Variants in KDM2A observed in about 807,000 individuals in gnomAD.
The protein encoded by KDM2A is lysine-specific demethylase 2A.
KDM2A carries 3 observed loss-of-function variants against 137.3 expected under a neutral mutation model. The observed-to-expected ratio is 0.02, with a 90% CI of 0.01 to 0.06. The LOEUF is 0.06. KDM2A is among the 10% of genes least tolerant of loss of function. The pLI is 1.00. For synonymous variants in KDM2A, 512 were observed against 541.5 expected (o/e 0.95, Z 0.76); for missense variants, 738 against 1,510.6 (o/e 0.49, Z 8.48).
At position 67,228,181 on chromosome 11, in the gene KDM2A, A is replaced by G. The variant is rs199857566; in HGVS notation, c.1084+18A>G. On this transcript the variant is annotated intron_variant, in intron 11 of 20. Transcript: ENST00000529006. ...CAGCATGGGTAAGTATTCTGCCTAT[A>G]GGAGCTTTGAAGACACCGCTTAGGT... 33 of 1,613,142 alleles carry G rather than the reference A, an allele frequency of 2.0e-5. No individual in the cohort carries two copies. In the Admixed American group the frequency reaches 2.2e-4, roughly 11 times the overall value.
intron 13 of KDM2A, among the ~76,000 whole-genome samples, chr11:67,244,913 G>T (rs1452918440): frequency 6.6e-6 from 1 of 151,560 alleles, no homozygotes. Context: ...GGGAACCCGG[G>T]AGGCGGAGCT....
intron 5 of KDM2A, among the ~76,000 whole-genome samples, chr11:67,191,650 A>G (rs1857357374): frequency 1.3e-5 from 2 of 152,242 alleles, no homozygotes; most frequent in Admixed American, 6.5e-5. Flanking sequence ...CCTTTTCATG[A>G]TAAAAACACT....
In KDM2A at chr11:67,250,265, C is replaced by T. The variant is rs989371668; in HGVS notation, c.2235C>T (p.Pro745=). 4 of 1,613,784 alleles carry T rather than the reference C, an allele frequency of 2.5e-6. No individual in the cohort carries two copies. The highest frequency in any genetic ancestry group is 2.7e-5 in the African/African-American group (2 of 74,938). The change falls in exon 17 of 21, where the codon CCC becomes CCT. Residue 745 remains proline, a synonymous_variant. Transcript: ENST00000529006. This position sits in a 1 kb window ranked among gnomAD's most constrained non-coding sequence, Gnocchi z 7.1. ...MVTRSSPGAG[P]SDHHSASRDE... is the part of the protein sequence containing the mutation. ...CTCGGTCATCCCCTGGGGCTGGCCCCAGCGACCACCACAGTGCCAGCCGCG... is the reference window on the plus strand; with the variant it reads ...CTCGGTCATCCCCTGGGGCTGGCCCTAGCGACCACCACAGTGCCAGCCGCG...
chr11:67,197,386 G>A (rs1857508351), intron 5 of KDM2A, among the ~76,000 whole-genome samples: 1 of 152,104 alleles, frequency 6.6e-6, no homozygotes, highest in African/African-American at 2.4e-5. Flanking sequence ...ATGTTGCCCA[G>A]GCTGGTCTTG....
At chr11:67,241,396 A>G (rs568389666) in intron 12 of KDM2A, among the ~76,000 whole-genome samples, 13 of 151,644 alleles carry the variant, frequency 8.6e-5, no homozygotes, top group Admixed American at 7.9e-4. Context: ...AGACTTGGCA[A>G]AAGGGGATCT....
At chr11:67,215,480 C>A in intron 7 of KDM2A, 34 bp downstream of exon 7, 1 of 1,388,308 alleles carries the variant, frequency 7.2e-7, no homozygotes, top group Non-Finnish European at 1.0e-6. Context: ...CCTCCGTGTG[C>A]TGTGGGAGAC....
At chr11:67,204,167 A>T (rs1015645581) in intron 5 of KDM2A, among the ~76,000 whole-genome samples, 8 of 152,194 alleles carry the variant, frequency 5.3e-5, no homozygotes, top group African/African-American at 9.7e-5. Context: ...TACAGGTAAT[A>T]TAAAGTTTAC....
At chr11:67,204,247 A>G (rs2136375753) in intron 5 of KDM2A, among the ~76,000 whole-genome samples, 2 of 152,252 alleles carry the variant, frequency 1.3e-5, no homozygotes, top group East Asian at 1.9e-4. Context: ...TTTAAAGCAT[A>G]CCAGTGTCAT....
intron 5 of KDM2A, among the ~76,000 whole-genome samples, chr11:67,189,437 G>T (rs1481846292): frequency 6.6e-6 from 1 of 152,168 alleles, no homozygotes; most frequent in Non-Finnish European, 1.5e-5. Flanking sequence ...TATAAAACAC[G>T]GAATCACTGA....
At position 67,255,447 on chromosome 11, in the gene KDM2A, C is replaced by A. The variant is rs1391824908; in HGVS notation, c.*392C>A. ...GCAGTGCCTGGTTCTGAGCAAACTC[C>A]CAGGGAAGAAAACGGCCCTGTCTCC... On this transcript the variant is annotated 3_prime_UTR_variant, in exon 21 of 21. Transcript: ENST00000529006. 2.2e-6 allele frequency: 1 copy of A among 462,824 alleles called. No homozygotes were observed. The highest frequency in any genetic ancestry group is 1.5e-5 in the South Asian group (1 of 64,616). The allele number at this position is 462,824 out of a possible 1,614,324, so 28.7% of individuals were successfully genotyped here.
At chr11:67,176,408 T>C (rs149394803) in intron 2 of KDM2A, among the ~76,000 whole-genome samples, 23 of 152,324 alleles carry the variant, frequency 1.5e-4, no homozygotes, top group Non-Finnish European at 3.2e-4. Flanking sequence ...TTGATGTTCT[T>C]AGCACAGATA....
At position 67,247,941 on chromosome 11, in the gene KDM2A, G is replaced by A. The variant is rs373431686; in HGVS notation, c.1966-340G>A. The stretch of plus-strand genomic sequence containing the variant: ...AATAATCTTCACCACAACCCTATAA[G>A]GTGGGTTTTGTTGTATCTCTGGCAA... On this transcript the variant is annotated intron_variant, in intron 15 of 20. Transcript: ENST00000529006. Among the ~76,000 whole-genome samples, 19 of 152,270 alleles carry A rather than the reference G, an allele frequency of 1.2e-4. 1 individual carries two copies. The highest frequency in any genetic ancestry group is 4.1e-4 in the African/African-American group (17 of 41,544).
intron 2 of KDM2A, among the ~76,000 whole-genome samples, chr11:67,141,683 ATATATAT>A (rs1234148265): frequency 1.8e-4 from 16 of 88,456 alleles, no homozygotes; most frequent in African/African-American, 7.4e-4. Flanking sequence ...AAAAAAAAAA[ATATATAT>A]ATATATATAT....
At chr11:67,125,731 A>G (rs1855706449) in intron 2 of KDM2A, among the ~76,000 whole-genome samples, 1 of 149,728 alleles carries the variant, frequency 6.7e-6, no homozygotes, top group Non-Finnish European at 1.5e-5. Context: ...CTAAGCAGAG[A>G]TTGCGCCACT....
chr11:67,122,687 ATTTT>A (rs1366972061), intron 2 of KDM2A, among the ~76,000 whole-genome samples: 8 of 136,286 alleles, frequency 5.9e-5, no homozygotes, highest in East Asian at 4.4e-4. Context: ...TTATTTATTT[ATTTT>A]TTGAGACAGA....
chr11:67,133,736 C>G (rs1855908975), intron 2 of KDM2A, among the ~76,000 whole-genome samples: 1 of 149,532 alleles, frequency 6.7e-6, no homozygotes, highest in African/African-American at 2.5e-5. Flanking sequence ...GACAGAGTCT[C>G]TGGCTCCTAG....
chr11:67,192,683 G>A (rs1379756595), intron 5 of KDM2A, among the ~76,000 whole-genome samples: 1 of 151,788 alleles, frequency 6.6e-6, no homozygotes, highest in Non-Finnish European at 1.5e-5. Context: ...GACCTCAAGT[G>A]ATCCATCCGC....
chr11:67,164,887 C>G (rs1007193246), intron 2 of KDM2A, among the ~76,000 whole-genome samples: 2 of 151,968 alleles, frequency 1.3e-5, no homozygotes, highest in Non-Finnish European at 2.9e-5. Flanking sequence ...GTGTGAGCAC[C>G]GCGCCTGGCC....
At chr11:67,147,815 T>A (rs11227711) in intron 2 of KDM2A, among the ~76,000 whole-genome samples, 1 of 151,654 alleles carries the variant, frequency 6.6e-6, no homozygotes, top group African/African-American at 2.4e-5. Context: ...GTAGCTGCGA[T>A]TACAGGCGCC....
Sources: allele counts gnomAD v4.1 joint callset (sites outside exome capture counted in the v4.1 genomes callset), GRCh38; gene constraint gnomAD v4.1.1; non-coding constraint Gnocchi (gnomAD v3.1); transcripts MANE v1.5; gene names NCBI Gene and HGNC (gene_info 2026-07-23, HGNC 2026-07-21).